The following AGBL1 variants were observed in gnomAD, a reference collection of about 807,000 sequenced individuals.
The protein encoded by AGBL1 is AGBL carboxypeptidase 1.
In AGBL1, 130 loss-of-function variants were observed where a neutral mutation model predicts 118.9. That is an observed-to-expected ratio of 1.09 (90% CI 0.95 to 1.26). The LOEUF (loss-of-function observed/expected upper bound fraction) is 1.26. Ranked by LOEUF, AGBL1 falls within the 50% of genes most tolerant of loss-of-function variation. The pLI is 0.00. For missense variants in AGBL1, 1,584 were observed against 1,298.1 expected, an observed-to-expected ratio of 1.22 and a Z score of -3.38; for synonymous variants, 555 against 478.9, an observed-to-expected ratio of 1.16 and a Z score of -2.08.
At chr15:86,583,952 C>T (rs779996893) in intron 21 of AGBL1, among the ~76,000 whole-genome samples, 113 of 145,508 alleles carry the variant, frequency 7.8e-4, no homozygotes, top group African/African-American at 2.8e-3. Flanking sequence ...TGATGTGGAA[C>T]GTTTTTTCAT....
chr15:86,424,262 A>G (rs1360300204), intron 18 of AGBL1, among the ~76,000 whole-genome samples: 1 of 152,188 alleles, frequency 6.6e-6, no homozygotes, highest in Non-Finnish European at 1.5e-5. Flanking sequence ...ATCTTTGACA[A>G]ACCTCACAAA....
intron 18 of AGBL1, among the ~76,000 whole-genome samples, chr15:86,432,961 G>T (rs1217744453): frequency 6.6e-6 from 1 of 152,194 alleles, no homozygotes; most frequent in Non-Finnish European, 1.5e-5. Flanking sequence ...CTGCAGGGCT[G>T]CTAGGGGCCA....
At chr15:86,989,023 T>G (rs1463436767) in intron 24 of AGBL1, among the ~76,000 whole-genome samples, 1 of 140,420 alleles carries the variant, frequency 7.1e-6, no homozygotes, top group Non-Finnish European at 1.5e-5. Context: ...TTTTTAAGAG[T>G]CAGAGTCTTG....
chr15:86,184,103 T>C (rs2077590929), intron 5 of AGBL1, among the ~76,000 whole-genome samples: 1 of 152,226 alleles, frequency 6.6e-6, no homozygotes, highest in South Asian at 2.1e-4. Flanking sequence ...AGATGTGATT[T>C]CCAAGAAATG....
chr15:86,291,824 C>T (rs1341259923), intron 16 of AGBL1, among the ~76,000 whole-genome samples: 1 of 152,156 alleles, frequency 6.6e-6, no homozygotes, highest in Non-Finnish European at 1.5e-5. Flanking sequence ...CCCTCCCAAT[C>T]TCCAATGCAG....
At chr15:86,252,236 G>T (rs2078828364) in intron 7 of AGBL1, among the ~76,000 whole-genome samples, 1 of 152,198 alleles carries the variant, frequency 6.6e-6, no homozygotes, top group Non-Finnish European at 1.5e-5. Flanking sequence ...AGAAAGCACA[G>T]TAGGCCAAGC....
chr15:86,334,710 C>A (rs1309175231), intron 17 of AGBL1, among the ~76,000 whole-genome samples: 1 of 151,914 alleles, frequency 6.6e-6, no homozygotes. Context: ...CCAAAGCAAT[C>A]GTAAGCAGAA....
At chr15:86,741,421 A>AAAAAAAAAAAAAAAAAAAAAC (rs2077678190) in intron 22 of AGBL1, among the ~76,000 whole-genome samples, 1 of 133,528 alleles carries the variant, frequency 7.5e-6, no homozygotes, top group Non-Finnish European at 1.6e-5. Flanking sequence ...AAAAAAAAAA[A>AAAAAAAAAAAAAAAAAAAAAC]GAATTCAACC....
intron 23 of AGBL1, among the ~76,000 whole-genome samples, chr15:86,946,527 G>T (rs538303447): frequency 6.6e-6 from 1 of 152,038 alleles, no homozygotes; most frequent in African/African-American, 2.4e-5. Flanking sequence ...TATTTCTGTT[G>T]AAGTGTCTAG....
intron 22 of AGBL1, among the ~76,000 whole-genome samples, chr15:86,760,096 A>C (rs770439490): frequency 6.6e-6 from 1 of 152,078 alleles, no homozygotes; most frequent in Non-Finnish European, 1.5e-5. Flanking sequence ...CTGATGATCA[A>C]CTACCTCTTT....
intron 22 of AGBL1, among the ~76,000 whole-genome samples, chr15:86,694,606 G>A (rs1042923449): frequency 2.6e-5 from 4 of 151,940 alleles, no homozygotes; most frequent in African/African-American, 9.7e-5. Context: ...TTGTCTGATT[G>A]CTCTGACTAG....
intron 18 of AGBL1, among the ~76,000 whole-genome samples, chr15:86,471,278 C>A (rs988520306): frequency 6.6e-6 from 1 of 152,058 alleles, no homozygotes; most frequent in South Asian, 2.1e-4. Flanking sequence ...TTGTCAAATG[C>A]TTTTTCTGCA....
intron 18 of AGBL1, among the ~76,000 whole-genome samples, chr15:86,502,675 G>A (rs560476526): frequency 4.0e-5 from 6 of 150,640 alleles, no homozygotes; most frequent in African/African-American, 1.5e-4. Flanking sequence ...CTCTTGAGAT[G>A]ATTGTGTTTG....
intron 22 of AGBL1, among the ~76,000 whole-genome samples, chr15:86,852,903 C>A (rs2079426929): frequency 6.6e-6 from 1 of 152,200 alleles, no homozygotes; most frequent in Non-Finnish European, 1.5e-5. Flanking sequence ...TCACCCTGGA[C>A]CATTTAAATC....
chr15:86,268,406 T>C (rs1212822902), intron 13 of AGBL1, among the ~76,000 whole-genome samples: 1 of 152,174 alleles, frequency 6.6e-6, no homozygotes, highest in African/African-American at 2.4e-5. Context: ...GATATCATGT[T>C]CAAAGGATCC....
At chr15:86,583,253 C>T (rs894631100) in intron 21 of AGBL1, among the ~76,000 whole-genome samples, 15 of 151,944 alleles carry the variant, frequency 9.9e-5, no homozygotes, top group Non-Finnish European at 1.9e-4. Context: ...TACAATTCCT[C>T]CTGCCACCAA....
At chr15:87,023,600 C>G (rs1182757211) in intron 24 of AGBL1, among the ~76,000 whole-genome samples, 1 of 152,070 alleles carries the variant, frequency 6.6e-6, no homozygotes, top group South Asian at 2.1e-4. Context: ...AACAAAGAAA[C>G]AATGGATTTA....
chr15:86,135,371 T>A (rs1440995178), intron 1 of AGBL1, among the ~76,000 whole-genome samples: 1 of 152,174 alleles, frequency 6.6e-6, no homozygotes, highest in African/African-American at 2.4e-5. Context: ...TCTTTATAAA[T>A]TACCCAATCT....
chr15:86,820,204 G>C (rs973549272), intron 22 of AGBL1, among the ~76,000 whole-genome samples: 1 of 152,098 alleles, frequency 6.6e-6, no homozygotes, highest in African/African-American at 2.4e-5. Context: ...AGAAAACCTA[G>C]GTAATACCAT....
Sources: allele counts gnomAD v4.1 joint callset (sites outside exome capture counted in the v4.1 genomes callset), GRCh38; gene constraint gnomAD v4.1.1; transcripts MANE v1.5; gene names NCBI Gene and HGNC (gene_info 2026-07-23, HGNC 2026-07-21).